GRHL2: variants seen among roughly 807,000 people sequenced by gnomAD.
GRHL2 encodes the protein grainyhead like transcription factor 2.
GRHL2 carries 21 observed loss-of-function variants against 83.8 expected under a neutral mutation model. That is an observed-to-expected ratio of 0.25 (90% CI 0.18 to 0.36). The LOEUF (loss-of-function observed/expected upper bound fraction) is 0.36, where lower values mean the gene tolerates loss of function less well. Among genes scored for constraint, GRHL2 ranks in the 10% least tolerant of loss-of-function variants. The pLI, the probability that GRHL2 is intolerant of heterozygous loss-of-function variation, is 1.00. For synonymous variants in GRHL2, 280 were observed against 278.9 expected (o/e 1.00, Z -0.04); for missense variants, 623 against 781.8 (o/e 0.80, Z 2.42).
chr8:101,586,180 C>T lies in GRHL2; in HGVS notation c.1003+8661C>T, dbSNP rs567760381. Among the ~76,000 whole-genome samples, 8 of 150,514 alleles carry T rather than the reference C, an allele frequency of 5.3e-5. No individual in the cohort carries two copies. In the South Asian group the frequency reaches 1.7e-3, roughly 32 times the overall value. On this transcript the variant is annotated intron_variant, in intron 7 of 15. Coordinates refer to ENST00000646743, the MANE Select transcript of GRHL2 (RefSeq NM_024915.4). ...CTGCAAGCTCCGCTTCCCGGGTTCA[C>T]GCCATTCTCCTGCCTCAGCCTCCCG...
At chr8:101,640,938 A>C (rs1429568523) in intron 12 of GRHL2, among the ~76,000 whole-genome samples, 1 of 152,142 alleles carries the variant, frequency 6.6e-6, no homozygotes, top group Non-Finnish European at 1.5e-5. Flanking sequence ...TAATCTCTTC[A>C]ATGGTTTTTC....
At chr8:101,596,277 T>C (rs1416636703) in intron 7 of GRHL2, among the ~76,000 whole-genome samples, 1 of 152,138 alleles carries the variant, frequency 6.6e-6, no homozygotes, top group African/African-American at 2.4e-5. Context: ...GCATATCAAT[T>C]TGGAAGGAAA....
Position 101,632,306 on chromosome 8 carries a change from T to C in GRHL2, c.1426T>C (p.Ser476Pro), listed in dbSNP as rs1440405476. Residue 476 changes from serine (S) to proline (P), a missense_variant, in exon 11 of 16, where the codon TCA becomes CCA. Coordinates refer to ENST00000646743, the MANE Select transcript of GRHL2 (RefSeq NM_024915.4). Reference sequence around the variant, plus strand: ...CTTCAAAACCATGCCTGATCTCCACTCACAGCCAGTTCTCTTCATACCTGA... The same window carrying C: ...CTTCAAAACCATGCCTGATCTCCACCCACAGCCAGTTCTCTTCATACCTGA... ...TYFKTMPDLH[S>P]QPVLFIPDVH... is the part of the protein sequence containing the mutation. The C allele has an allele frequency of 6.2e-7, 1 of 1,614,042 alleles. No individual in the cohort carries two copies. The highest frequency in any genetic ancestry group is 8.5e-7 in the Non-Finnish European group (1 of 1,179,952).
At chr8:101,548,846 G>C (rs1295235176) in intron 2 of GRHL2, among the ~76,000 whole-genome samples, 2 of 152,202 alleles carry the variant, frequency 1.3e-5, no homozygotes, top group Non-Finnish European at 2.9e-5. Flanking sequence ...GCTCACATCA[G>C]GGGCTCTTGG....
At chr8:101,591,102 C>T (rs1184736721) in intron 7 of GRHL2, among the ~76,000 whole-genome samples, 1 of 152,024 alleles carries the variant, frequency 6.6e-6, no homozygotes, top group African/African-American at 2.4e-5. Flanking sequence ...ATTTAAAAAC[C>T]TATTAACAGG....
At chr8:101,652,670 T>C (rs1813698327) in intron 14 of GRHL2, among the ~76,000 whole-genome samples, 1 of 151,034 alleles carries the variant, frequency 6.6e-6, no homozygotes, top group East Asian at 1.9e-4. Context: ...CATATGGGCT[T>C]GGCCTCAGAA....
At chr8:101,506,835 CAAAAA>C (rs10688299) in intron 1 of GRHL2, among the ~76,000 whole-genome samples, 1 of 147,112 alleles carries the variant, frequency 6.8e-6, no homozygotes, top group East Asian at 2.0e-4. Context: ...ATTTGCAAGG[CAAAAA>C]AAAAAAAATT....
chr8:101,641,510 C>T (rs946713404), intron 12 of GRHL2, among the ~76,000 whole-genome samples: 19 of 152,154 alleles, frequency 1.2e-4, no homozygotes, highest in Non-Finnish European at 2.8e-4. Flanking sequence ...GCAACATTGC[C>T]TTTTACAGGT....
At chr8:101,545,733 A>G (rs1409094236) in intron 2 of GRHL2, among the ~76,000 whole-genome samples, 2 of 152,112 alleles carry the variant, frequency 1.3e-5, no homozygotes, top group African/African-American at 4.8e-5. Context: ...CCTTAGAAAG[A>G]AATTGAAAAG....
intron 14 of GRHL2, among the ~76,000 whole-genome samples, chr8:101,652,490 TGTGTGTG>T (rs1563627300): frequency 7.9e-4 from 43 of 54,356 alleles, no homozygotes; most frequent in East Asian, 2.4e-3. Flanking sequence ...TATGTGTGTA[TGTGTGTG>T]GTGTGTGTGT....
At chr8:101,660,047 C>T (rs566605320) in intron 14 of GRHL2, among the ~76,000 whole-genome samples, 1 of 152,092 alleles carries the variant, frequency 6.6e-6, no homozygotes, top group Non-Finnish European at 1.5e-5. Flanking sequence ...TTAAAAAGGT[C>T]TATTGAAATC....
intron 1 of GRHL2, among the ~76,000 whole-genome samples, chr8:101,494,812 G>A (rs1370461583): frequency 6.6e-6 from 1 of 152,152 alleles, no homozygotes; most frequent in African/African-American, 2.4e-5. Context: ...TTCACCACAC[G>A]CATCACCTGG....
At chr8:101,675,674 A>G in the GRHL2 span, among the ~76,000 whole-genome samples, 49 of 152,270 alleles carry the variant, frequency 3.2e-4, no homozygotes, top group Non-Finnish European at 4.9e-4. Flanking sequence ...CCAACAAGCT[A>G]CCAATGACTT....
chr8:101,679,754 G>C, the GRHL2 span, among the ~76,000 whole-genome samples: 1 of 150,588 alleles, frequency 6.6e-6, no homozygotes, highest in Non-Finnish European at 1.5e-5. Context: ...AGCCAGAAGA[G>C]AGTGGGGGCC....
At chr8:101,652,287 G>A (rs1813639579) in intron 14 of GRHL2, among the ~76,000 whole-genome samples, 1 of 150,046 alleles carries the variant, frequency 6.7e-6, no homozygotes, top group South Asian at 2.1e-4. Context: ...ATCTATATTG[G>A]TATATACAAA....
At chr8:101,651,439 G>A (rs1381894094) in intron 14 of GRHL2, among the ~76,000 whole-genome samples, 1 of 152,236 alleles carries the variant, frequency 6.6e-6, no homozygotes, top group Non-Finnish European at 1.5e-5. Flanking sequence ...GATGAGCTAG[G>A]TGTGAGAACC....
intron 7 of GRHL2, among the ~76,000 whole-genome samples, chr8:101,583,842 A>G (rs1161944042): frequency 6.6e-6 from 1 of 152,262 alleles, no homozygotes; most frequent in Non-Finnish European, 1.5e-5. Context: ...TCATAGAGTG[A>G]AAGCCAGAAG....
intron 9 of GRHL2, 90 bp downstream of exon 9, chr8:101,619,787 T>A: frequency 1.0e-6 from 1 of 982,242 alleles, no homozygotes; most frequent in Non-Finnish European, 1.6e-6. Context: ...TTTGCTTGTC[T>A]AGTGGTGTCA....
intron 8 of GRHL2, among the ~76,000 whole-genome samples, chr8:101,604,089 T>A (rs568157874): frequency 6.6e-6 from 1 of 151,490 alleles, no homozygotes; most frequent in South Asian, 2.1e-4. Flanking sequence ...TATGTGTATG[T>A]GTGTGTGTAG....
Sources: allele counts gnomAD v4.1 joint callset (sites outside exome capture counted in the v4.1 genomes callset), GRCh38; gene constraint gnomAD v4.1.1; transcripts MANE v1.5; gene names NCBI Gene and HGNC (gene_info 2026-07-23, HGNC 2026-07-21).